The following OR4M1 variants were observed in gnomAD, a reference collection of about 807,000 sequenced individuals.
OR4M1 encodes olfactory receptor 4M1.
A neutral mutation model predicts 9.8 loss-of-function variants in OR4M1; 7 were observed. The observed-to-expected ratio is 0.71, with a 90% confidence interval of 0.41 to 1.34. The LOEUF is 1.34. OR4M1 is among the 40% of genes most tolerant of loss of function. The pLI is 0.01. For synonymous variants in OR4M1, 121 were observed against 139.8 expected (o/e 0.87, Z 0.95); for missense variants, 331 against 380.4 (o/e 0.87, Z 1.08).
At chr14:19,776,835 T>C (rs1325208959) in intron 1 of OR4M1, among the ~76,000 whole-genome samples, 1 of 151,926 alleles carries the variant, frequency 6.6e-6, no homozygotes, top group Non-Finnish European at 1.5e-5. Flanking sequence ...ACACAGAAGA[T>C]AGGAAAACAA....
chr14:19,779,126 A>G (rs1878391781), intron 1 of OR4M1, among the ~76,000 whole-genome samples: 1 of 152,212 alleles, frequency 6.6e-6, no homozygotes, highest in South Asian at 2.1e-4. Context: ...TTATGTATAA[A>G]TTGAGTCAGT....
rs377114342 is a variant in OR4M1 at position 19,780,318 on chromosome 14, A to C, written c.-5A>C. ...GTTATATTATGAAAAGAGTAAATTG[A>C]AGAAATGGAAACTGCAAATTACACC... is the stretch of plus-strand genomic sequence containing the variant. On this transcript the variant is annotated 5_prime_UTR_variant, in exon 2 of 2. It removes the in-frame stop codon of an upstream open reading frame in the 5' UTR. Coordinates refer to ENST00000641200, the MANE Select transcript of OR4M1 (RefSeq NM_001005500.2). 178 of 1,599,114 alleles carry C rather than the reference A, an allele frequency of 1.1e-4. No homozygotes were observed. Among genetic ancestry groups the C allele is most frequent in the Non-Finnish European group, 1.5e-4 (171 of 1,174,540 alleles).
intron 1 of OR4M1, among the ~76,000 whole-genome samples, chr14:19,776,054 ACTC>A (rs2138427683): frequency 1.3e-5 from 2 of 152,178 alleles, no homozygotes; most frequent in South Asian, 4.1e-4. Flanking sequence ...GCTTCTGTAT[ACTC>A]CTTCCTCACC....
At chr14:19,778,665 T>C (rs1488792211) in intron 1 of OR4M1, among the ~76,000 whole-genome samples, 1 of 152,212 alleles carries the variant, frequency 6.6e-6, no homozygotes, top group Non-Finnish European at 1.5e-5. Context: ...GCTCAAGCCC[T>C]CATAACTAAT....
chr14:19,780,997 C>T lies in OR4M1; in HGVS notation c.675C>T (p.Leu225=), dbSNP rs368454203. The change falls in exon 2 of 2, where the codon CTC becomes CTT. Residue 225 remains leucine (L), a synonymous_variant. Coordinates refer to ENST00000641200, the MANE Select transcript of OR4M1 (RefSeq NM_001005500.2). ...CCTATGCCTTCCTTCTGGCCTTGCT[C>T]AAGAAACATTCAGGCTCAGGTGAGA... ...LMSYAFLLAL[L]KKHSGSGENT... The T allele has an allele frequency of 4.3e-6, 7 of 1,614,244 alleles. No individual in the cohort carries two copies. The highest frequency in any genetic ancestry group is 5.9e-6 in the Non-Finnish European group (7 of 1,180,028).
At chr14:19,779,403 AT>A (rs1295733784) in intron 1 of OR4M1, among the ~76,000 whole-genome samples, 1 of 152,238 alleles carries the variant, frequency 6.6e-6, no homozygotes, top group African/African-American at 2.4e-5. Context: ...AGAAAAGCAT[AT>A]TTGGTAACGT....
chr14:19,780,406 T>G lies in OR4M1; in HGVS notation c.84T>G (p.Phe28Leu). ...SQTREVQLVL[F>L]VIFLSFYLFI... is the part of the protein sequence containing the mutation. Reference sequence around the variant, plus strand: ...CTCGGGAGGTCCAACTAGTCCTATTTGTTATATTTCTATCCTTCTATTTGT... The same window carrying G: ...CTCGGGAGGTCCAACTAGTCCTATTGGTTATATTTCTATCCTTCTATTTGT... The change falls in exon 2 of 2, where the codon TTT becomes TTG. Residue 28 changes from phenylalanine (F) to leucine (L), a missense_variant. By Grantham distance (22) the Phe-to-Leu change is conservative. Transcript: ENST00000641200. 1 of 1,614,216 alleles carries G rather than the reference T, an allele frequency of 6.2e-7. No homozygotes were observed. The highest frequency in any genetic ancestry group is 1.1e-5 in the South Asian group (1 of 91,084).
chr14:19,774,147 T>C (rs1266663534), intron 1 of OR4M1, among the ~76,000 whole-genome samples: 1 of 152,138 alleles, frequency 6.6e-6, no homozygotes, highest in Non-Finnish European at 1.5e-5. Flanking sequence ...TGAAAATAAA[T>C]AGAAAAGCAA....
intron 1 of OR4M1, among the ~76,000 whole-genome samples, chr14:19,779,998 A>G (rs1683055322): frequency 6.6e-6 from 1 of 152,254 alleles, no homozygotes. Flanking sequence ...ACTAATGTAG[A>G]TGTTTGGGGG....
intron 1 of OR4M1, among the ~76,000 whole-genome samples, chr14:19,776,333 G>T (rs1430485754): frequency 1.3e-5 from 2 of 152,200 alleles, no homozygotes; most frequent in Admixed American, 6.5e-5. Flanking sequence ...TCAACATCAC[G>T]CAGATTCTTG....
intron 1 of OR4M1, among the ~76,000 whole-genome samples, chr14:19,776,555 G>T (rs1878314648): frequency 6.6e-6 from 1 of 152,222 alleles, no homozygotes; most frequent in South Asian, 2.1e-4. Flanking sequence ...ATCTTTTTAA[G>T]CAACTTATCC....
Position 19,780,539 on chromosome 14 carries a change from T to C in OR4M1, c.217T>C (p.Tyr73His). 1.2e-6 allele frequency: 2 copies of C among 1,614,252 alleles called. No individual in the cohort carries two copies. The highest frequency in any genetic ancestry group is 1.7e-6 in the Non-Finnish European group (2 of 1,180,032). ...LANLALLDIW[Y>H]SSITAPKMLI... ...TAATCTGGCCCTCCTTGATATTTGG[T>C]ACTCTTCCATTACAGCCCCTAAAAT... is the stretch of plus-strand genomic sequence containing the variant. Residue 73 changes from tyrosine (Y) to histidine (H), a missense_variant, in exon 2 of 2, where the codon TAC (tyrosine) becomes CAC (histidine). Coordinates refer to ENST00000641200, the MANE Select transcript of OR4M1 (RefSeq NM_001005500.2).
chr14:19,778,195 T>C (rs925182770), intron 1 of OR4M1, among the ~76,000 whole-genome samples: 3 of 152,254 alleles, frequency 2.0e-5, no homozygotes, highest in African/African-American at 7.2e-5. Flanking sequence ...GACACTTTTT[T>C]CTGGTAAAAT....
chr14:19,774,236 A>T (rs1006512416), intron 1 of OR4M1, among the ~76,000 whole-genome samples: 3 of 152,274 alleles, frequency 2.0e-5, no homozygotes, highest in Admixed American at 2.0e-4. Flanking sequence ...AAGGATTCCA[A>T]AAAGCAAAAT....
At position 19,782,740 on chromosome 14, in the gene OR4M1, G is replaced by A. The variant is rs575902742; in HGVS notation, c.*1476G>A. The A allele has an allele frequency of 6.6e-6, 1 of 152,312 alleles. No homozygotes were observed. Among genetic ancestry groups the A allele is most frequent in the Non-Finnish European group, 1.5e-5 (1 of 68,024 alleles). The allele number at this position is 152,312 out of a possible 1,614,324, so 9.4% of individuals were successfully genotyped here. ...TTCTCTTCTAGGAACCCAAAGGCAT[G>A]GATTGATGTTATGAGTCCTGATTTT... On this transcript the variant is annotated 3_prime_UTR_variant, in exon 2 of 2. Coordinates refer to ENST00000641200, the MANE Select transcript of OR4M1 (RefSeq NM_001005500.2).
intron 1 of OR4M1, among the ~76,000 whole-genome samples, chr14:19,775,498 C>T (rs756733392): frequency 1.3e-5 from 2 of 150,248 alleles, no homozygotes; most frequent in Non-Finnish European, 3.0e-5. Flanking sequence ...ACTAACACCC[C>T]ATATCTAAGT....
At position 19,781,839 on chromosome 14, in the gene OR4M1, G is replaced by T. The variant is rs1486824235; in HGVS notation, c.*575G>T. The T allele has an allele frequency of 6.5e-6, 1 of 153,558 alleles. No individual in the cohort carries two copies. Among genetic ancestry groups the T allele is most frequent in the African/African-American group, 2.4e-5 (1 of 41,482 alleles). 9.5% of individuals were successfully genotyped at this position (153,558 alleles called of 1,614,324 possible). ...GGTATTTCAGTTTATATTTCAGGTGGTGTCCATTCAACAGTTGGAGACAGA... is the reference window on the plus strand; with the variant it reads ...GGTATTTCAGTTTATATTTCAGGTGTTGTCCATTCAACAGTTGGAGACAGA... On this transcript the variant is annotated 3_prime_UTR_variant, in exon 2 of 2. Transcript: ENST00000641200.
At position 19,781,132 on chromosome 14, in the gene OR4M1, T is replaced by C. The variant is rs760255910; in HGVS notation, c.810T>C (p.Asp270=). ...YARPFDSFSL[D]KVVSVFHTVI... ...GCCCATTTGACTCATTTTCCCTAGA[T>C]AAAGTGGTGTCTGTGTTTCATACTG... Residue 270 remains aspartate, a synonymous_variant, in exon 2 of 2, where the codon GAT becomes GAC. Coordinates refer to ENST00000641200, the MANE Select transcript of OR4M1 (RefSeq NM_001005500.2). 21 of 1,614,122 alleles carry C rather than the reference T, an allele frequency of 1.3e-5. No homozygotes were observed. Among genetic ancestry groups the C allele is most frequent in the Non-Finnish European group, 1.8e-5 (21 of 1,180,046 alleles).
intron 1 of OR4M1, among the ~76,000 whole-genome samples, chr14:19,776,603 A>G (rs1414272896): frequency 1.3e-5 from 2 of 152,198 alleles, no homozygotes; most frequent in Non-Finnish European, 2.9e-5. Context: ...TTTGGAATAG[A>G]CATCCCCTCC....
Sources: gnomAD v4.1 joint callset for allele counts (sites outside exome capture counted in the v4.1 genomes callset) on GRCh38, gnomAD v4.1.1 for gene constraint, MANE v1.5 for transcripts, NCBI Gene and HGNC (gene_info 2026-07-23, HGNC 2026-07-21) for gene names.